Variants in AQP7 observed in about 807,000 individuals in gnomAD.
AQP7 encodes aquaporin-7.
AQP7 carries 22 observed loss-of-function variants against 26.1 expected under a neutral mutation model. That is an observed-to-expected ratio of 0.84 (90% CI 0.60 to 1.20). AQP7 has a LOEUF of 1.20. Among genes scored for constraint, AQP7 ranks in the 50% most tolerant of loss-of-function variants. AQP7 has a pLI of 0.00. For synonymous variants in AQP7, 167 were observed against 181.7 expected (o/e 0.92, Z 0.65); for missense variants, 412 against 457.5 (o/e 0.90, Z 0.91).
At chr9:33,385,975 T>C in intron 6 of AQP7, 102 bp downstream of exon 6, 1 of 1,569,644 alleles carries the variant, frequency 6.4e-7, no homozygotes, top group Non-Finnish European at 8.7e-7. Flanking sequence ...CGGTACAGTC[T>C]CCATCCAGAG....
chr9:33,384,863 T>A lies in AQP7; in HGVS notation c.*142A>T. On this transcript the variant is annotated 3_prime_UTR_variant, in exon 8 of 8. Transcript: ENST00000297988. ...ACTTGAGGTGCCTCACCTCTACACC[T>A]TGGGCTAAGACATAGCCCTGGAGCT... The A allele has an allele frequency of 3.0e-6, 3 of 1,009,580 alleles. No homozygotes were observed. Among genetic ancestry groups the A allele is most frequent in the Non-Finnish European group, 4.4e-6 (3 of 683,168 alleles). 62.5% of individuals were successfully genotyped at this position (1,009,580 alleles called of 1,614,324 possible).
chr9:33,385,533 C>G (rs779236391), intron 7 of AQP7, 116 bp downstream of exon 7: 42 of 1,306,372 alleles, frequency 3.2e-5, no homozygotes, highest in Non-Finnish European at 4.5e-5. Flanking sequence ...GCTCCCCAGG[C>G]TACCTGGGGG....
At chr9:33,388,570 T>C (rs1029451066) in intron 3 of AQP7, among the ~76,000 whole-genome samples, 3 of 152,238 alleles carry the variant, frequency 2.0e-5, no homozygotes, top group Non-Finnish European at 2.9e-5. Context: ...ATAGTATTAC[T>C]ACTAAATAAT....
intron 3 of AQP7, among the ~76,000 whole-genome samples, chr9:33,391,216 G>A (rs1267043662): frequency 6.6e-6 from 1 of 152,208 alleles, no homozygotes; most frequent in South Asian, 2.1e-4. Flanking sequence ...CAGCGCACAG[G>A]TTTTGTTTAG....
chr9:33,399,751 G>A lies in AQP7; in HGVS notation c.26+1486C>T, dbSNP rs902319780. ...CACCAGAGAGAAGCAGCCTGGGACT[G>A]GGGGAGCTCAGGGAAGGCATGGGAG... is the stretch of plus-strand genomic sequence containing the variant. On this transcript the variant is annotated intron_variant, in intron 2 of 7. Coordinates refer to ENST00000297988, the MANE Select transcript of AQP7 (RefSeq NM_001170.3). 2.6e-5 allele frequency among the ~76,000 whole-genome samples: 4 copies of A among 152,162 alleles called. No individual in the cohort carries two copies. In the East Asian group the frequency reaches 7.7e-4, roughly 29 times the overall value.
intron 2 of AQP7, among the ~76,000 whole-genome samples, chr9:33,397,666 G>C (rs1484024840): frequency 6.6e-6 from 1 of 152,110 alleles, no homozygotes; most frequent in African/African-American, 2.4e-5. Flanking sequence ...GCTGCTGTGA[G>C]GTCAGGGGAA....
intron 3 of AQP7, among the ~76,000 whole-genome samples, chr9:33,387,622 A>G (rs1426932409): frequency 6.6e-6 from 1 of 151,600 alleles, no homozygotes; most frequent in Non-Finnish European, 1.5e-5. Flanking sequence ...ATTTCCACTG[A>G]CCTCAGGCGG....
At chr9:33,399,885 A>AT (rs1269645503) in intron 2 of AQP7, among the ~76,000 whole-genome samples, 3 of 152,034 alleles carry the variant, frequency 2.0e-5, no homozygotes, top group African/African-American at 7.2e-5. Context: ...CATTCTAGAT[A>AT]TTTTAGGAGA....
intron 6 of AQP7, 32 bp downstream of exon 6, chr9:33,386,045 A>T (rs1554715099): frequency 6.2e-7 from 1 of 1,611,450 alleles, no homozygotes; most frequent in Non-Finnish European, 8.5e-7. Context: ...GGTGGAGGGC[A>T]GGGGGAGGGA....
intron 3 of AQP7, among the ~76,000 whole-genome samples, chr9:33,390,224 G>C (rs1420278228): frequency 6.6e-6 from 1 of 151,962 alleles, no homozygotes; most frequent in Non-Finnish European, 1.5e-5. Context: ...GCTGAGAGAG[G>C]GACAGGCTGA....
In AQP7 at chr9:33,386,086, G is replaced by A; in HGVS notation, c.516C>T (p.Phe172=). 1 of 1,613,288 alleles carries A rather than the reference G, an allele frequency of 6.2e-7. No homozygotes were observed. Among genetic ancestry groups the A allele is most frequent in the Non-Finnish European group, 8.5e-7 (1 of 1,179,850 alleles). Residue 172 remains phenylalanine (F), a synonymous_variant, in exon 6 of 8, where the codon TTC becomes TTT. Transcript: ENST00000297988. Reference sequence around the variant, plus strand: ...ATCCTCGACCACTGACCTCATTCAGGAAGCCCCGCCACAATGTCATGTGAT... The same window carrying A: ...ATCCTCGACCACTGACCTCATTCAGAAAGCCCCGCCACAATGTCATGTGAT... ...LPDHMTLWRG[F]LNEAWLTGML... is the part of the protein sequence containing the mutation.
rs13434 is a variant in AQP7, at chr9:33,384,979, T to G, written c.*26A>C. ...GGACAAGCCTTGCTTTATTGGGGAA[T>G]GGATGGGATCACAAATAATCTCTGC... On this transcript the variant is annotated 3_prime_UTR_variant, in exon 8 of 8. Coordinates refer to ENST00000297988, the MANE Select transcript of AQP7 (RefSeq NM_001170.3). 127,890 of 1,575,138 alleles carry G rather than the reference T, an allele frequency of 0.081. 5,782 individuals are homozygous for G. Among genetic ancestry groups the G allele is most frequent in the Admixed American group, 0.15 (8,779 of 57,728 alleles).
chr9:33,395,974 G>T (rs1825818129), intron 2 of AQP7, among the ~76,000 whole-genome samples: 1 of 152,210 alleles, frequency 6.6e-6, no homozygotes, highest in Non-Finnish European at 1.5e-5. Flanking sequence ...CTCCCAACTA[G>T]ATCCTCAGAG....
chr9:33,387,699 AAGGGGCCTACCTTC>A (rs1057127158), intron 3 of AQP7, among the ~76,000 whole-genome samples: 38 of 151,970 alleles, frequency 2.5e-4, no homozygotes, highest in African/African-American at 8.4e-4. Context: ...TTCACAGGGG[AAGGGGCCTACCTTC>A]AGGCCCATTA....
In AQP7 at chr9:33,401,222, G is replaced by A. The variant is rs1826254010; in HGVS notation, c.26+15C>T. On this transcript the variant is annotated intron_variant, in intron 2 of 7. Coordinates refer to ENST00000297988, the MANE Select transcript of AQP7 (RefSeq NM_001170.3). ...GACAGGGGGCTGGAGGGTGAGAAGA[G>A]GGTGGGGTACTTACCGCCTGTGCCC... 62 of 1,549,250 alleles carry A rather than the reference G, an allele frequency of 4.0e-5. No individual in the cohort carries two copies. Among genetic ancestry groups the A allele is most frequent in the Non-Finnish European group, 5.3e-5 (61 of 1,146,680 alleles).
At chr9:33,400,191 C>G (rs991443243) in intron 2 of AQP7, among the ~76,000 whole-genome samples, 1 of 152,118 alleles carries the variant, frequency 6.6e-6, no homozygotes, top group Non-Finnish European at 1.5e-5. Flanking sequence ...AGGCAAATAT[C>G]CCTGCTTGCG....
At chr9:33,386,782 C>CG (rs1554715668) in intron 4 of AQP7, among the ~76,000 whole-genome samples, 187 bp downstream of exon 4, 26 of 152,224 alleles carry the variant, frequency 1.7e-4, no homozygotes, top group South Asian at 4.2e-4. Context: ...AATGGTAGGT[C>CG]GGGGGGCCCA....
At chr9:33,398,826 G>C (rs1198734614) in intron 2 of AQP7, among the ~76,000 whole-genome samples, 1 of 151,992 alleles carries the variant, frequency 6.6e-6, no homozygotes, top group Non-Finnish European at 1.5e-5. Flanking sequence ...CTCAAGGAGA[G>C]GGTACAGACT....
chr9:33,393,572 T>C (rs1825595611), intron 3 of AQP7, among the ~76,000 whole-genome samples: 1 of 152,208 alleles, frequency 6.6e-6, no homozygotes, highest in Admixed American at 6.5e-5. Flanking sequence ...CTTCTTTCTC[T>C]AGACCCTGGA....
Sources: gnomAD v4.1 joint callset for allele counts (sites outside exome capture counted in the v4.1 genomes callset) on GRCh38, gnomAD v4.1.1 for gene constraint, MANE v1.5 for transcripts, NCBI Gene and HGNC (gene_info 2026-07-23, HGNC 2026-07-21) for gene names.